The following AFF3 variants were observed in gnomAD, a reference collection of about 807,000 sequenced individuals.
AFF3 encodes AF4/FMR2 family member 3.
In AFF3, 32 loss-of-function variants were observed where a neutral mutation model predicts 129.7. The observed-to-expected ratio is 0.25, with a 90% confidence interval of 0.19 to 0.33. The LOEUF (loss-of-function observed/expected upper bound fraction) is 0.33. AFF3 is among the 10% of genes least tolerant of loss of function. The pLI, the probability that AFF3 is intolerant of heterozygous loss-of-function variation, is 1.00. For missense variants in AFF3, 1,373 were observed against 1,592.0 expected, an observed-to-expected ratio of 0.86 and a Z score of 2.34; for synonymous variants, 644 against 635.4, an observed-to-expected ratio of 1.01 and a Z score of -0.20.
chr2:99,724,761 C>T (rs2104979688), intron 11 of AFF3, among the ~76,000 whole-genome samples: 1 of 152,242 alleles, frequency 6.6e-6, no homozygotes, highest in African/African-American at 2.4e-5. Context: ...ATAACAGAAC[C>T]TCTGTTAGAG....
chr2:99,976,492 A>G (rs913885467), intron 7 of AFF3, among the ~76,000 whole-genome samples: 1 of 152,222 alleles, frequency 6.6e-6, no homozygotes, highest in Non-Finnish European at 1.5e-5. Flanking sequence ...CTTCCAAAAG[A>G]TTAATAAGTT....
At chr2:99,995,664 C>G (rs960191615) in intron 7 of AFF3, among the ~76,000 whole-genome samples, 1 of 152,108 alleles carries the variant, frequency 6.6e-6, no homozygotes. Flanking sequence ...CCTGGCCCAT[C>G]TATTTCTTTT....
At chr2:99,843,150 T>C (rs1313936516) in intron 7 of AFF3, among the ~76,000 whole-genome samples, 3 of 152,316 alleles carry the variant, frequency 2.0e-5, no homozygotes, top group East Asian at 3.9e-4. Flanking sequence ...CACAAAAGCA[T>C]TGGTGAGAAT....
intron 4 of AFF3, among the ~76,000 whole-genome samples, chr2:100,024,966 G>A (rs1683918036): frequency 6.6e-6 from 1 of 152,098 alleles, no homozygotes; most frequent in South Asian, 2.1e-4. Flanking sequence ...GGGTTTTACT[G>A]CAAATATTAC....
chr2:100,067,225 C>T (rs374080589), intron 4 of AFF3, among the ~76,000 whole-genome samples: 28 of 149,176 alleles, frequency 1.9e-4, no homozygotes, highest in African/African-American at 4.9e-4. Flanking sequence ...GTTCAAAAGA[C>T]AGACAGATAA....
intron 7 of AFF3, among the ~76,000 whole-genome samples, chr2:99,987,345 G>A (rs1679964484): frequency 6.6e-6 from 1 of 152,160 alleles, no homozygotes; most frequent in Non-Finnish European, 1.5e-5. Flanking sequence ...GCACTCCACA[G>A]ATGAGTGTTC....
chr2:100,012,282 C>T (rs945112055), intron 4 of AFF3, among the ~76,000 whole-genome samples: 1 of 152,126 alleles, frequency 6.6e-6, no homozygotes, highest in Admixed American at 6.5e-5. Flanking sequence ...CAATGCCTTC[C>T]CTTTGGTTTC....
chr2:99,945,711 G>A (rs922019978), intron 7 of AFF3, among the ~76,000 whole-genome samples: 6 of 152,114 alleles, frequency 3.9e-5, no homozygotes, highest in African/African-American at 4.8e-5. Flanking sequence ...TTATAACCTC[G>A]TCTACCAGTA....
Position 100,016,227 on chromosome 2 carries a change from G to A in AFF3, c.54-7295C>T, listed in dbSNP as rs559983114. Reference sequence around the variant, plus strand: ...TTGTGATAATGGCAATGGTAGTGGCGGTGATGGTGGTGGGGGTGATGGCAG... The same window carrying A: ...TTGTGATAATGGCAATGGTAGTGGCAGTGATGGTGGTGGGGGTGATGGCAG... On this transcript the variant is annotated intron_variant, in intron 4 of 24. Coordinates refer to ENST00000672756, the MANE Select transcript of AFF3 (RefSeq NM_001386135.1). 5.3e-5 allele frequency among the ~76,000 whole-genome samples: 8 copies of A among 151,682 alleles called. No individual in the cohort carries two copies. The South Asian group carries it at 6.3e-4, about 12-fold the overall frequency.
chr2:99,579,028 G>A (rs898709632), intron 17 of AFF3, among the ~76,000 whole-genome samples: 1 of 152,192 alleles, frequency 6.6e-6, no homozygotes, highest in Non-Finnish European at 1.5e-5. Context: ...CAGTCAACCA[G>A]TCACTCATCT....
chr2:100,016,418 T>TAGTGGTGGC (rs1273297392), intron 4 of AFF3, among the ~76,000 whole-genome samples: 2 of 119,824 alleles, frequency 1.7e-5, no homozygotes, highest in Non-Finnish European at 3.8e-5. Context: ...GTCATGGTGG[T>TAGTGGTGGC]AGTGGTGGCA....
At chr2:99,588,739 G>A (rs910741938) in intron 15 of AFF3, among the ~76,000 whole-genome samples, 1 of 152,148 alleles carries the variant, frequency 6.6e-6, no homozygotes, top group Non-Finnish European at 1.5e-5. Context: ...AAAGCTCCGA[G>A]TTCTTAGTCC....
At chr2:99,736,073 T>C (rs1680229304) in intron 10 of AFF3, among the ~76,000 whole-genome samples, 2 of 152,220 alleles carry the variant, frequency 1.3e-5, no homozygotes, top group Non-Finnish European at 1.5e-5. Context: ...TCAATTTTCA[T>C]AACTGTTCCC....
intron 7 of AFF3, among the ~76,000 whole-genome samples, chr2:99,891,690 G>A (rs1382674489): frequency 6.6e-6 from 1 of 152,198 alleles, no homozygotes; most frequent in Non-Finnish European, 1.5e-5. Context: ...AGGCGATACT[G>A]CCTCACTGTA....
chr2:99,744,099 C>A lies in AFF3; in HGVS notation c.1039+5G>T. 6.3e-7 allele frequency: 1 copy of A among 1,595,842 alleles called. No individual in the cohort carries two copies. Among genetic ancestry groups the A allele is most frequent in the Non-Finnish European group, 8.5e-7 (1 of 1,170,212 alleles). ...GATGAAACTCCAGAGCGAAGTCTTT[C>A]TTACTTGGATTATTGTGTCCAGAGG... On this transcript the variant is annotated splice_donor_5th_base_variant and intron_variant, in intron 10 of 24. Coordinates refer to ENST00000672756, the MANE Select transcript of AFF3 (RefSeq NM_001386135.1).
chr2:99,916,500 G>C (rs753649620), intron 7 of AFF3, among the ~76,000 whole-genome samples: 2 of 152,154 alleles, frequency 1.3e-5, no homozygotes, highest in African/African-American at 4.8e-5. Context: ...ATACGGTGAA[G>C]AATTGAACTT....
At chr2:99,746,500 T>A (rs1455417779) in intron 9 of AFF3, among the ~76,000 whole-genome samples, 1 of 152,136 alleles carries the variant, frequency 6.6e-6, no homozygotes, top group Non-Finnish European at 1.5e-5. Flanking sequence ...ACAGCCTGAG[T>A]CATATGCAGA....
At chr2:99,905,124 T>C (rs1251072644) in intron 7 of AFF3, among the ~76,000 whole-genome samples, 1 of 152,152 alleles carries the variant, frequency 6.6e-6, no homozygotes, top group African/African-American at 2.4e-5. Flanking sequence ...CCCAGAAACA[T>C]GCTACCCATG....
At chr2:99,887,103 C>A (rs540379768) in intron 7 of AFF3, among the ~76,000 whole-genome samples, 1 of 152,188 alleles carries the variant, frequency 6.6e-6, no homozygotes, top group South Asian at 2.1e-4. Context: ...CTGTTGGGGG[C>A]AACAGGTGTG....
Sources: gnomAD v4.1 joint callset for allele counts (sites outside exome capture counted in the v4.1 genomes callset) on GRCh38, gnomAD v4.1.1 for gene constraint, MANE v1.5 for transcripts, NCBI Gene and HGNC (gene_info 2026-07-23, HGNC 2026-07-21) for gene names.